The following RASAL2 variants were observed in gnomAD, a reference collection of about 807,000 sequenced individuals.
RASAL2 encodes ras GTPase-activating protein nGAP.
A neutral mutation model predicts 128.9 loss-of-function variants in RASAL2; 58 were observed. That is an observed-to-expected ratio of 0.45 (90% CI 0.36 to 0.56). The LOEUF (loss-of-function observed/expected upper bound fraction) is 0.56, where lower values mean the gene tolerates loss of function less well. Ranked by LOEUF, RASAL2 falls within the 20% of genes least tolerant of loss-of-function variation. RASAL2 has a pLI of 0.00. For synonymous variants in RASAL2, 561 were observed against 580.8 expected, an observed-to-expected ratio of 0.97 and a Z score of 0.49; for missense variants, 1,360 against 1,601.6, an observed-to-expected ratio of 0.85 and a Z score of 2.57.
intron 1 of RASAL2, among the ~76,000 whole-genome samples, chr1:178,113,294 A>C (rs1312362646): frequency 6.6e-6 from 1 of 150,600 alleles, no homozygotes; most frequent in Non-Finnish European, 1.5e-5. Context: ...TTTTTTTTTC[A>C]AAGTTACTTT....
Position 178,212,657 on chromosome 1 carries a change from A to C in RASAL2, c.203-70907A>C, listed in dbSNP as rs551854677. On this transcript the variant is annotated intron_variant, in intron 1 of 17. Coordinates refer to ENST00000367649, the MANE Select transcript of RASAL2 (RefSeq NM_170692.4). ...CAGGTATGCACCACCACGCCCAACT[A>C]ATTTTTGTATTTTTAGTAGAGATGG... Among the ~76,000 whole-genome samples, 164 of 151,630 alleles carry C rather than the reference A, an allele frequency of 1.1e-3. 1 individual carries two copies. Among genetic ancestry groups the C allele is most frequent in the African/African-American group, 3.7e-3 (153 of 41,330 alleles).
rs1164126585 is a variant in RASAL2 at position 178,475,447 on chromosome 1, CTAT to C, written c.*2210_*2212del. ...AGCATAGATTTGTTCTTGTTTCTGGCTATTCTCAGCTCAAGCCATGTTTAATTC... is the reference window on the plus strand; with the variant it reads ...AGCATAGATTTGTTCTTGTTTCTGGCTCTCAGCTCAAGCCATGTTTAATTC... On this transcript the variant is annotated 3_prime_UTR_variant, in exon 18 of 18. Transcript: ENST00000367649. 6.6e-6 allele frequency: 1 copy of C among 152,194 alleles called. No homozygotes were observed. Among genetic ancestry groups the C allele is most frequent in the Non-Finnish European group, 1.5e-5 (1 of 68,016 alleles). The allele number at this position is 152,194 out of a possible 1,614,324, so 9.4% of individuals were successfully genotyped here.
At chr1:178,153,866 G>A (rs924442979) in intron 1 of RASAL2, among the ~76,000 whole-genome samples, 4 of 151,746 alleles carry the variant, frequency 2.6e-5, no homozygotes, top group East Asian at 1.9e-4. Context: ...ATGCAGTTTC[G>A]TTCTTGTTGC....
At chr1:178,346,143 C>T (rs560029746) in intron 3 of RASAL2, among the ~76,000 whole-genome samples, 1 of 152,234 alleles carries the variant, frequency 6.6e-6, no homozygotes, top group South Asian at 2.1e-4. Context: ...CAGCCAGGTT[C>T]AGTGGCTCAT....
At position 178,464,339 on chromosome 1, in the gene RASAL2, T is replaced by G. The variant is rs749235169; in HGVS notation, c.3314T>G (p.Leu1105Arg). ...SPVERTAAWV[L>R]NNGQYEEDVE... ...GTAGAGAGGACAGCAGCCTGGGTTC[T>G]GAACAATGGGCAGTATGAAGAGGAT... The change falls in exon 15 of 18, where the codon CTG becomes CGG. Residue 1105 changes from leucine to arginine, a missense_variant. Physicochemically the swap from Leu to Arg is moderately radical, Grantham distance 102 (BLOSUM62 -2). Transcript: ENST00000367649. The G allele has an allele frequency of 6.2e-7, 1 of 1,613,832 alleles. No homozygotes were observed. The highest frequency in any genetic ancestry group is 2.2e-5 in the East Asian group (1 of 44,878).
intron 16 of RASAL2, 47 bp from the exon 17 acceptor site, chr1:178,467,287 A>AGCCC (rs1229955793): frequency 6.8e-7 from 1 of 1,470,418 alleles, no homozygotes; most frequent in Admixed American, 1.7e-5. Context: ...TACACTAGCT[A>AGCCC]GCCCTTTCTT....
chr1:178,423,429 T>C (rs958570629), intron 5 of RASAL2, among the ~76,000 whole-genome samples: 1 of 152,160 alleles, frequency 6.6e-6, no homozygotes, highest in African/African-American at 2.4e-5. Context: ...TTTATCAATA[T>C]GTTGAAAGAA....
At chr1:178,360,197 C>G (rs930768664) in intron 3 of RASAL2, among the ~76,000 whole-genome samples, 1 of 152,146 alleles carries the variant, frequency 6.6e-6, no homozygotes, top group African/African-American at 2.4e-5. Context: ...AGATAGCCAG[C>G]CAGTTCTTTC....
At chr1:178,261,913 C>G (rs1307951847) in intron 1 of RASAL2, among the ~76,000 whole-genome samples, 10 of 84,576 alleles carry the variant, frequency 1.2e-4, no homozygotes, top group Admixed American at 1.1e-3. Context: ...GAGACTGTCT[C>G]AAAAAAAAAA....
chr1:178,182,027 T>G (rs1338907129), intron 1 of RASAL2, among the ~76,000 whole-genome samples: 1 of 152,222 alleles, frequency 6.6e-6, no homozygotes, highest in Non-Finnish European at 1.5e-5. Flanking sequence ...TAAGGAATGA[T>G]GTGTTATATT....
At chr1:178,235,488 A>G (rs1309220923) in intron 1 of RASAL2, among the ~76,000 whole-genome samples, 1 of 152,178 alleles carries the variant, frequency 6.6e-6, no homozygotes, top group Admixed American at 6.5e-5. Flanking sequence ...TTAAGGTGCT[A>G]TTTCAAGGAA....
intron 1 of RASAL2, among the ~76,000 whole-genome samples, chr1:178,155,396 GC>G (rs1661049132): frequency 1.4e-5 from 2 of 147,366 alleles, no homozygotes; most frequent in African/African-American, 5.0e-5. Context: ...AAAATTTAAG[GC>G]ATTTTTAGAA....
At chr1:178,100,875 A>G (rs903550481) in intron 1 of RASAL2, among the ~76,000 whole-genome samples, 3 of 152,314 alleles carry the variant, frequency 2.0e-5, no homozygotes, top group Admixed American at 1.3e-4. Context: ...TCCCTATTGG[A>G]AAAACTTTTA....
chr1:178,327,746 A>AGAAT (rs746954722), intron 3 of RASAL2, among the ~76,000 whole-genome samples: 19 of 152,224 alleles, frequency 1.2e-4, no homozygotes, highest in Middle Eastern at 3.2e-3. Flanking sequence ...GCCAGTCCCA[A>AGAAT]GAATGACCTT....
In RASAL2 at chr1:178,456,796, A is replaced by G. The variant is rs1277768449; in HGVS notation, c.2287A>G (p.Ile763Val). 5 of 1,614,184 alleles carry G rather than the reference A, an allele frequency of 3.1e-6. No individual in the cohort carries two copies. Among genetic ancestry groups the G allele is most frequent in the East Asian group, 2.2e-5 (1 of 44,876 alleles). ...ITKSLTNPTP[I>V]QQQLRRFTEH... ...CAAGTCATTGACTAATCCTACGCCAATACAACAGCAACTGAGACGCTTCAC... is the reference window on the plus strand; with the variant it reads ...CAAGTCATTGACTAATCCTACGCCAGTACAACAGCAACTGAGACGCTTCAC... Residue 763 changes from isoleucine to valine, a missense_variant, in exon 13 of 18, where the codon ATA (isoleucine) becomes GTA (valine). By Grantham distance (29) the Ile-to-Val change is conservative (BLOSUM62 3). This residue lies in a region of RASAL2 where 741 missense variants were observed against 868.6 expected (regional missense o/e 0.85). Transcript: ENST00000367649.
At chr1:178,439,966 TATCC>T (rs554884956) in intron 6 of RASAL2, among the ~76,000 whole-genome samples, 551 of 104,854 alleles carry the variant, frequency 5.3e-3, no homozygotes, top group Middle Eastern at 0.015. Context: ...TTTTCTTATT[TATCC>T]ATCCATCCAT....
At chr1:178,276,519 G>GT (rs199980160) in intron 1 of RASAL2, among the ~76,000 whole-genome samples, 13,515 of 144,326 alleles carry the variant, frequency 0.094, 1,265 homozygotes, top group African/African-American at 0.25. Context: ...CAATTTTTTT[G>GT]TTTTTTTTTT....
At chr1:178,453,844 A>G (rs1156321434) in intron 11 of RASAL2, among the ~76,000 whole-genome samples, 3 of 152,156 alleles carry the variant, frequency 2.0e-5, no homozygotes, top group Non-Finnish European at 4.4e-5. Context: ...GTTTTCTAGT[A>G]TAAGTGGTGG....
chr1:178,469,534 A>G (rs754970509), intron 17 of RASAL2, among the ~76,000 whole-genome samples: 4 of 152,160 alleles, frequency 2.6e-5, no homozygotes, highest in Admixed American at 6.5e-5. Flanking sequence ...GAAAGTAAGG[A>G]CTTTCTCTCA....
Sources: gnomAD v4.1 joint callset for allele counts (sites outside exome capture counted in the v4.1 genomes callset) on GRCh38, gnomAD v4.1.1 for gene constraint, gnomAD v4.1.1 regional missense constraint, MANE v1.5 for transcripts, NCBI Gene and HGNC (gene_info 2026-07-23, HGNC 2026-07-21) for gene names.